The following FAM185A variants were observed in gnomAD, a reference collection of about 807,000 sequenced individuals.
FAM185A encodes family with sequence similarity 185 member A, also known as protein FAM185A.
In FAM185A, 21 loss-of-function variants were observed where a neutral mutation model predicts 45.7. The observed-to-expected ratio is 0.46, with a 90% confidence interval of 0.33 to 0.66. The LOEUF (loss-of-function observed/expected upper bound fraction) is 0.66. Among genes scored for constraint, FAM185A ranks in the 30% least tolerant of loss-of-function variants. The pLI is 0.03. For synonymous variants in FAM185A, 117 were observed against 194.0 expected, an observed-to-expected ratio of 0.60 and a Z score of 3.30; for missense variants, 305 against 485.4, an observed-to-expected ratio of 0.63 and a Z score of 3.49.
At chr7:102,802,241 T>G (rs1285165364) in intron 7 of FAM185A, among the ~76,000 whole-genome samples, 3 of 152,170 alleles carry the variant, frequency 2.0e-5, no homozygotes, top group Non-Finnish European at 2.9e-5. Flanking sequence ...GGATACACAT[T>G]CTATTCAACA....
At chr7:102,809,458 C>A (rs76110865), downstream of FAM185A, among the ~76,000 whole-genome samples, 235 of 152,164 alleles carry the variant, frequency 1.5e-3, 3 homozygotes, top group East Asian at 0.041. Flanking sequence ...AGTTTGGAGG[C>A]CAAGGTGGAT....
the FAM185A span, among the ~76,000 whole-genome samples, chr7:102,846,073 T>C: frequency 6.6e-6 from 1 of 152,176 alleles, no homozygotes; most frequent in African/African-American, 2.4e-5. Flanking sequence ...AATTAATACA[T>C]GGAAAATACA....
intron 6 of FAM185A, among the ~76,000 whole-genome samples, chr7:102,782,226 G>T (rs1332231720): frequency 6.6e-6 from 1 of 152,192 alleles, no homozygotes; most frequent in Non-Finnish European, 1.5e-5. Flanking sequence ...AAAACACTCT[G>T]CAGGATATTA....
At chr7:102,788,294 A>C (rs559856825) in intron 7 of FAM185A, among the ~76,000 whole-genome samples, 1 of 152,312 alleles carries the variant, frequency 6.6e-6, no homozygotes, top group South Asian at 2.1e-4. Flanking sequence ...AATGAATAAA[A>C]AAATTAATGC....
At chr7:102,813,755 A>C (rs1797619066), downstream of FAM185A, among the ~76,000 whole-genome samples, 1 of 152,190 alleles carries the variant, frequency 6.6e-6, no homozygotes. Context: ...TAACAGATAC[A>C]GTGAATGGGT....
chr7:102,802,721 G>GAAAC (rs60504561), intron 7 of FAM185A, among the ~76,000 whole-genome samples: 30,969 of 151,534 alleles, frequency 0.2, 3,727 homozygotes, highest in East Asian at 0.59. Flanking sequence ...AAATGAAATT[G>GAAAC]AAACAAACAA....
At chr7:102,798,960 C>T (rs1360778468) in intron 7 of FAM185A, among the ~76,000 whole-genome samples, 1 of 152,150 alleles carries the variant, frequency 6.6e-6, no homozygotes, top group Non-Finnish European at 1.5e-5. Flanking sequence ...GTTGGCCAGG[C>T]TGGTCTCAAA....
chr7:102,814,923 T>G, the FAM185A span, among the ~76,000 whole-genome samples: 1 of 152,344 alleles, frequency 6.6e-6, no homozygotes, highest in East Asian at 1.9e-4. Flanking sequence ...GGTTTATATC[T>G]TTTGCTTTTC....
At chr7:102,849,489 G>A in the FAM185A span, among the ~76,000 whole-genome samples, 3 of 152,138 alleles carry the variant, frequency 2.0e-5, no homozygotes, top group African/African-American at 7.2e-5. Flanking sequence ...AGCGAATTAT[G>A]TAGTGTGTAA....
chr7:102,842,863 T>G, the FAM185A span, among the ~76,000 whole-genome samples: 1 of 152,220 alleles, frequency 6.6e-6, no homozygotes, highest in Non-Finnish European at 1.5e-5. Flanking sequence ...AGACTATGCC[T>G]GGAGCCACTC....
chr7:102,753,557 G>C (rs1793504229), intron 2 of FAM185A, among the ~76,000 whole-genome samples: 1 of 151,952 alleles, frequency 6.6e-6, no homozygotes, highest in South Asian at 2.1e-4. Flanking sequence ...CTCCTCAGTT[G>C]TGACAAGGGA....
the FAM185A span, among the ~76,000 whole-genome samples, chr7:102,847,508 T>C: frequency 6.6e-6 from 1 of 152,148 alleles, no homozygotes; most frequent in Admixed American, 6.5e-5. Flanking sequence ...GGTAATTCTT[T>C]AACACTCAAT....
At chr7:102,785,180 G>A (rs1011076074) in intron 6 of FAM185A, among the ~76,000 whole-genome samples, 7 of 151,810 alleles carry the variant, frequency 4.6e-5, no homozygotes, top group East Asian at 1.9e-4. Flanking sequence ...AAATAAAAGA[G>A]GATACAAACA....
intron 6 of FAM185A, among the ~76,000 whole-genome samples, chr7:102,781,909 A>C (rs1440324820): frequency 2.6e-5 from 4 of 152,214 alleles, no homozygotes; most frequent in Admixed American, 1.3e-4. Flanking sequence ...AACCTTGAAA[A>C]AAAATTAGAT....
intron 2 of FAM185A, among the ~76,000 whole-genome samples, chr7:102,753,943 A>C (rs1469404325): frequency 6.6e-6 from 1 of 152,168 alleles, no homozygotes; most frequent in Non-Finnish European, 1.5e-5. Flanking sequence ...CTTACAAATA[A>C]AATAGCTCAA....
chr7:102,773,984 T>C (rs1584307258), intron 5 of FAM185A, among the ~76,000 whole-genome samples: 3 of 152,218 alleles, frequency 2.0e-5, no homozygotes, highest in Non-Finnish European at 1.5e-5. Flanking sequence ...TTGGATATAA[T>C]AGGTCCTTTG....
the FAM185A span, among the ~76,000 whole-genome samples, chr7:102,825,926 C>A: frequency 6.6e-6 from 1 of 152,124 alleles, no homozygotes; most frequent in African/African-American, 2.4e-5. Context: ...AGAATGGTTA[C>A]CCGAGATTGC....
the FAM185A span, chr7:102,834,493 C>T: frequency 6.8e-6 from 1 of 146,974 alleles, no homozygotes; most frequent in African/African-American, 2.5e-5. Context: ...GCTCTTAGCA[C>T]AAAATAGATT....
downstream of FAM185A, chr7:102,809,233 C>G (rs904170119): frequency 6.6e-6 from 1 of 152,096 alleles, no homozygotes; most frequent in African/African-American, 2.4e-5. Flanking sequence ...GCAGTTGCTA[C>G]TGATTCTTAA....
Sources: gnomAD v4.1 joint callset for allele counts (sites outside exome capture counted in the v4.1 genomes callset) on GRCh38, gnomAD v4.1.1 for gene constraint, MANE v1.5 for transcripts, NCBI Gene and HGNC (gene_info 2026-07-23, HGNC 2026-07-21) for gene names.